The following CEP89 variants were observed in gnomAD, a reference collection of about 807,000 sequenced individuals.
CEP89 encodes the protein centrosomal protein 89.
Under a neutral mutation model 97.6 loss-of-function variants are expected in CEP89, and 95 were observed. That is an observed-to-expected ratio of 0.97 (90% CI 0.82 to 1.15). The LOEUF (loss-of-function observed/expected upper bound fraction) is 1.15, where lower values mean the gene tolerates loss of function less well. CEP89 is among the 50% of genes most tolerant of loss of function. The pLI is 0.00. For missense variants in CEP89, 869 were observed against 947.7 expected (o/e 0.92, Z 1.09); for synonymous variants, 354 against 349.1 (o/e 1.01, Z -0.16).
At chr19:32,911,461 T>A (rs1344795107) in intron 14 of CEP89, among the ~76,000 whole-genome samples, 1 of 152,208 alleles carries the variant, frequency 6.6e-6, no homozygotes, top group Non-Finnish European at 1.5e-5. Flanking sequence ...AAGATCAGCC[T>A]GGGCAACATG....
intron 3 of CEP89, among the ~76,000 whole-genome samples, chr19:32,955,731 C>T (rs970196906): frequency 2.0e-5 from 3 of 152,050 alleles, no homozygotes; most frequent in African/African-American, 7.2e-5. Flanking sequence ...CCAGGCTGGT[C>T]TTGAACTCCT....
At chr19:32,954,769 A>C (rs950086177) in intron 3 of CEP89, among the ~76,000 whole-genome samples, 1 of 150,476 alleles carries the variant, frequency 6.6e-6, no homozygotes, top group East Asian at 1.9e-4. Flanking sequence ...GGTTCAAGTG[A>C]TTCTCCTGCC....
intron 13 of CEP89, among the ~76,000 whole-genome samples, chr19:32,915,792 G>A (rs574453074): frequency 2.0e-4 from 31 of 151,642 alleles, no homozygotes; most frequent in African/African-American, 6.8e-4. Context: ...GGTGGCAGGC[G>A]CCTGTAATCC....
At chr19:32,968,306 T>G (rs1599789573) in intron 1 of CEP89, among the ~76,000 whole-genome samples, 1 of 152,224 alleles carries the variant, frequency 6.6e-6, no homozygotes, top group Non-Finnish European at 1.5e-5. Flanking sequence ...TGGAGTGCGG[T>G]GGCACGATCT....
At chr19:32,950,599 T>C (rs879073242) in intron 4 of CEP89, among the ~76,000 whole-genome samples, 8 of 152,190 alleles carry the variant, frequency 5.3e-5, no homozygotes, top group South Asian at 2.1e-4. Context: ...ATGCTCAATA[T>C]GGACAATCGT....
chr19:32,894,477 C>G (rs193113058), intron 16 of CEP89, among the ~76,000 whole-genome samples: 1 of 152,304 alleles, frequency 6.6e-6, no homozygotes, highest in East Asian at 1.9e-4. Flanking sequence ...CCAATCAACA[C>G]CAAAAGCCCA....
At chr19:32,945,911 T>C (rs1477842210) in intron 5 of CEP89, among the ~76,000 whole-genome samples, 1 of 152,158 alleles carries the variant, frequency 6.6e-6, no homozygotes, top group Non-Finnish European at 1.5e-5. Flanking sequence ...AGCAAACTTC[T>C]TGGCCACCCG....
At position 32,902,010 on chromosome 19, in the gene CEP89, CTGTGTGTGTGTG is replaced by C. The variant is rs929591410; in HGVS notation, c.1566-610_1566-599del. Among the ~76,000 whole-genome samples the C allele has an allele frequency of 4.5e-5, 6 of 133,730 alleles. 1 individual carries two copies. The highest frequency in any genetic ancestry group is 1.7e-4 in the African/African-American group (6 of 34,468). The allele number at this position is 133,730 out of a possible 152,430, so 87.7% of individuals were successfully genotyped here. On this transcript the variant is annotated intron_variant, in intron 14 of 18. Coordinates refer to ENST00000305768, the MANE Select transcript of CEP89 (RefSeq NM_032816.5). ...TCTGTCTCTCTGTCTCTCTCTCTCT[CTGTGTGTGTGTG>C]TGTGTGTGTGTGTGTGTGTGTGTAT...
chr19:32,938,368 A>G (rs893061561), intron 6 of CEP89, among the ~76,000 whole-genome samples: 30 of 152,160 alleles, frequency 2.0e-4, no homozygotes, highest in African/African-American at 6.3e-4. Flanking sequence ...TGGGATGGGC[A>G]AAAAGGACCC....
Position 32,936,375 on chromosome 19 carries a change from C to T in CEP89, c.667+1256G>A, listed in dbSNP as rs571372207. Among the ~76,000 whole-genome samples the T allele has an allele frequency of 6.6e-6, 1 of 152,242 alleles. No individual in the cohort carries two copies. The highest frequency in any genetic ancestry group is 2.4e-5 in the African/African-American group (1 of 41,560). On this transcript the variant is annotated intron_variant, in intron 7 of 18. Coordinates refer to ENST00000305768, the MANE Select transcript of CEP89 (RefSeq NM_032816.5). The surrounding 1 kb of genome is among the most constrained non-coding windows in gnomAD (Gnocchi z 4.5). ...GCTCTGCACTGGCCTGCAGTTGCCC[C>T]TTGGTGTGAGCAGCCTGGGTGCCAT...
chr19:32,886,241 A>G (rs1969392173), intron 17 of CEP89, among the ~76,000 whole-genome samples: 1 of 151,950 alleles, frequency 6.6e-6, no homozygotes, highest in African/African-American at 2.4e-5. Context: ...TTATGCTTCT[A>G]TTTTTCTTCC....
chr19:32,938,779 A>T lies in CEP89; in HGVS notation c.624+1078T>A, dbSNP rs560279621. Reference sequence around the variant, plus strand: ...AGACTGGCCAACATGGTGAAATCTCATCTCCATTAAAAATACAAAAATTAG... The same window carrying T: ...AGACTGGCCAACATGGTGAAATCTCTTCTCCATTAAAAATACAAAAATTAG... On this transcript the variant is annotated intron_variant, in intron 6 of 18. Coordinates refer to ENST00000305768, the MANE Select transcript of CEP89 (RefSeq NM_032816.5). Among the ~76,000 whole-genome samples, 14 of 152,090 alleles carry T rather than the reference A, an allele frequency of 9.2e-5. No homozygotes were observed. In the South Asian group the frequency reaches 2.1e-3, roughly 23 times the overall value.
intron 18 of CEP89, among the ~76,000 whole-genome samples, chr19:32,881,615 G>A (rs957199048): frequency 6.6e-6 from 1 of 152,170 alleles, no homozygotes; most frequent in Non-Finnish European, 1.5e-5. Flanking sequence ...GGCAATTAGA[G>A]GTGTGCATTG....
At position 32,878,984 on chromosome 19, in the gene CEP89, A is replaced by C. The variant is rs112767280; in HGVS notation, c.*178T>G. On this transcript the variant is annotated 3_prime_UTR_variant, in exon 19 of 19. Transcript: ENST00000305768. The stretch of plus-strand genomic sequence containing the variant: ...CTCTAAAAAAAAAAAAAAATTAAAA[A>C]ATAAAGCAAAATGTTATCAATGGAT... 5.5e-4 allele frequency: 259 copies of C among 471,206 alleles called. No individual in the cohort carries two copies. Among genetic ancestry groups the C allele is most frequent in the African/African-American group, 4.7e-3 (236 of 50,324 alleles). The allele number at this position is 471,206 out of a possible 1,614,324, so 29.2% of individuals were successfully genotyped here.
intron 13 of CEP89, chr19:32,917,707 TA>T (rs1336976644): frequency 1.5e-6 from 1 of 686,522 alleles, no homozygotes; most frequent in Non-Finnish European, 1.8e-6. Context: ...ATGAGGCTCC[TA>T]GGGGTTGGGG....
chr19:32,877,211 T>C lies in CEP89; in HGVS notation c.*1951A>G, dbSNP rs550564516. The stretch of plus-strand genomic sequence containing the variant: ...ATGATTCAACTGTTGAACAAGCTTA[T>C]AGAGTCATAAAAGAACTATGATTTT... On this transcript the variant is annotated 3_prime_UTR_variant, in exon 19 of 19. Transcript: ENST00000305768. The C allele has an allele frequency of 6.6e-6, 1 of 152,230 alleles. No homozygotes were observed. The highest frequency in any genetic ancestry group is 6.5e-5 in the Admixed American group (1 of 15,286). 9.4% of individuals were successfully genotyped at this position (152,230 alleles called of 1,614,324 possible). A position where few individuals can be genotyped will look rare whatever the true frequency, so the allele number is the denominator to read the frequency against.
intron 11 of CEP89, among the ~76,000 whole-genome samples, chr19:32,924,393 C>T (rs1167288376): frequency 1.3e-5 from 2 of 152,162 alleles, no homozygotes; most frequent in Non-Finnish European, 2.9e-5. Context: ...CGAGGTCTGT[C>T]GCTGGGCCGG....
In CEP89 at chr19:32,881,734, A is replaced by G. The variant is rs938989407; in HGVS notation, c.2135+110T>C. 4 of 1,076,250 alleles carry G rather than the reference A, an allele frequency of 3.7e-6. No homozygotes were observed. The African/African-American group carries it at 4.8e-5, about 13-fold the overall frequency. 66.7% of individuals were successfully genotyped at this position (1,076,250 alleles called of 1,614,324 possible). ...CATTCAGATCAGAGTAAAATGTAGA[A>G]ACAAAATTAAACAATGGAACAAATA... is the stretch of plus-strand genomic sequence containing the variant. On this transcript the variant is annotated intron_variant, in intron 18 of 18. Coordinates refer to ENST00000305768, the MANE Select transcript of CEP89 (RefSeq NM_032816.5).
intron 2 of CEP89, 52 bp downstream of exon 2, chr19:32,966,308 C>T (rs1971281668): frequency 1.9e-6 from 2 of 1,049,234 alleles, no homozygotes; most frequent in Non-Finnish European, 2.7e-6. Context: ...GGATCCAGTA[C>T]TTGGAGGCTG....
Sources: gnomAD v4.1 joint callset for allele counts (sites outside exome capture counted in the v4.1 genomes callset) on GRCh38, gnomAD v4.1.1 for gene constraint, Gnocchi (gnomAD v3.1) non-coding constraint, MANE v1.5 for transcripts, NCBI Gene and HGNC (gene_info 2026-07-23, HGNC 2026-07-21) for gene names.